BBS9: variants seen among roughly 807,000 people sequenced by gnomAD.
BBS9 encodes the protein protein PTHB1.
BBS9 carries 89 observed loss-of-function variants against 117.7 expected under a neutral mutation model. The ratio of observed to expected loss-of-function variants is 0.76; its 90% CI spans 0.64 to 0.90. The LOEUF is 0.90. Ranked by LOEUF, BBS9 falls within the 40% of genes least tolerant of loss-of-function variation. The pLI is 0.00. For missense variants in BBS9, 982 were observed against 1,042.2 expected, an observed-to-expected ratio of 0.94 and a Z score of 0.80; for synonymous variants, 379 against 370.9, an observed-to-expected ratio of 1.02 and a Z score of -0.25.
At chr7:33,618,071 G>A (rs1397844115) in intron 21 of BBS9, among the ~76,000 whole-genome samples, 4 of 152,190 alleles carry the variant, frequency 2.6e-5, no homozygotes, top group African/African-American at 9.6e-5. Flanking sequence ...TGGGCATGGT[G>A]TCTCATGCCT....
chr7:33,409,503 A>T (rs926853273), intron 19 of BBS9, among the ~76,000 whole-genome samples: 1 of 152,080 alleles, frequency 6.6e-6, no homozygotes, highest in African/African-American at 2.4e-5. Context: ...ATTATCTTCT[A>T]TTGGTCTATG....
At chr7:33,459,388 G>T (rs1435114571) in intron 19 of BBS9, among the ~76,000 whole-genome samples, 2 of 151,764 alleles carry the variant, frequency 1.3e-5, no homozygotes, top group African/African-American at 2.4e-5. Flanking sequence ...TTGGCATCTA[G>T]TAAGTAGAGG....
intron 11 of BBS9, among the ~76,000 whole-genome samples, chr7:33,343,334 T>C (rs1304972345): frequency 6.6e-6 from 1 of 152,198 alleles, no homozygotes; most frequent in Non-Finnish European, 1.5e-5. Flanking sequence ...AAATAAGTTA[T>C]AAGTGATAAG....
At chr7:33,161,527 A>G (rs1334182625) in intron 4 of BBS9, among the ~76,000 whole-genome samples, 1 of 152,162 alleles carries the variant, frequency 6.6e-6, no homozygotes, top group Admixed American at 6.5e-5. Flanking sequence ...TCATTGATGG[A>G]CATTTGGGTT....
intron 13 of BBS9, among the ~76,000 whole-genome samples, chr7:33,350,310 GAATA>G (rs1265037348): frequency 5.3e-5 from 8 of 152,190 alleles, no homozygotes; most frequent in Admixed American, 2.0e-4. Flanking sequence ...CAGAATGAAT[GAATA>G]AACGATTGAG....
intron 19 of BBS9, among the ~76,000 whole-genome samples, chr7:33,399,970 T>C (rs1828643941): frequency 6.6e-6 from 1 of 152,166 alleles, no homozygotes; most frequent in Non-Finnish European, 1.5e-5. Context: ...TATGCTTTAC[T>C]TCCCTGGGGC....
rs62449326 is a variant in BBS9, at chr7:33,165,395, G to A, written c.328+9693G>A. Among the ~76,000 whole-genome samples the A allele has an allele frequency of 7.5e-3, 1,144 of 152,266 alleles. 9 individuals carry two copies. Among genetic ancestry groups the A allele is most frequent in the Non-Finnish European group, 0.01 (696 of 68,034 alleles). ...TGGCCTGCCTTGCTAGGTTGGGGAA[G>A]TTCTCCTGGATAATATCCAGCAGAG... On this transcript the variant is annotated intron_variant, in intron 4 of 22. Transcript: ENST00000242067.
At position 33,367,825 on chromosome 7, in the gene BBS9, A is replaced by T; in HGVS notation, c.1752A>T (p.Gly584=). The change falls in exon 17 of 23, where the codon GGA becomes GGT. Residue 584 remains glycine, a synonymous_variant. Coordinates refer to ENST00000242067, the MANE Select transcript of BBS9 (RefSeq NM_198428.3). ...QVNVMGFHFL[G]GARITVLASK... Reference sequence around the variant, plus strand: ...ATGTAATGGGTTTTCACTTCTTAGGAGGTGCTCGAATTACTGTTCTTGCTT... The same window carrying T: ...ATGTAATGGGTTTTCACTTCTTAGGTGGTGCTCGAATTACTGTTCTTGCTT... 1.2e-6 allele frequency: 2 copies of T among 1,613,862 alleles called. No individual in the cohort carries two copies. The highest frequency in any genetic ancestry group is 1.7e-6 in the Non-Finnish European group (2 of 1,179,860).
chr7:33,349,345 A>G (rs570864485), intron 13 of BBS9, 175 bp downstream of exon 13: 7 of 647,962 alleles, frequency 1.1e-5, no homozygotes, highest in Middle Eastern at 2.5e-4. Flanking sequence ...ATGAACGTTC[A>G]ATCAATGATT....
chr7:33,186,962 A>G (rs1210463909), intron 5 of BBS9, among the ~76,000 whole-genome samples: 4 of 152,194 alleles, frequency 2.6e-5, no homozygotes, highest in African/African-American at 9.6e-5. Flanking sequence ...TATGTTAGTA[A>G]TATTGGTGGA....
chr7:33,232,228 C>T (rs1792597444), intron 5 of BBS9, among the ~76,000 whole-genome samples: 1 of 152,024 alleles, frequency 6.6e-6, no homozygotes, highest in Non-Finnish European at 1.5e-5. Context: ...ATTTAGTTAT[C>T]ATAGTCAGAT....
rs1223966229 is a variant in BBS9 at position 33,383,672 on chromosome 7, A to G, written c.1796A>G (p.Tyr599Cys). 6.2e-7 allele frequency: 1 copy of G among 1,605,652 alleles called. No individual in the cohort carries two copies. Among genetic ancestry groups the G allele is most frequent in the Non-Finnish European group, 8.5e-7 (1 of 1,174,738 alleles). Reference protein sequence around the residue: ...TVLASKTSQRYRIQSEQFEDL... With the variant: ...TVLASKTSQRCRIQSEQFEDL... ...CTTAATTTTTTTCTCTCAGAACGATATCGCATTCAGAGTGAACAATTTGAA... is the reference window on the plus strand; with the variant it reads ...CTTAATTTTTTTCTCTCAGAACGATGTCGCATTCAGAGTGAACAATTTGAA... The change falls in exon 18 of 23, where the codon TAT becomes TGT. Residue 599 changes from tyrosine (Y) to cysteine (C), a missense_variant. Physicochemically the swap from Tyr to Cys is radical, Grantham distance 194. Coordinates refer to ENST00000242067, the MANE Select transcript of BBS9 (RefSeq NM_198428.3).
chr7:33,374,640 G>A (rs1028822412), intron 17 of BBS9, among the ~76,000 whole-genome samples: 2 of 152,060 alleles, frequency 1.3e-5, no homozygotes, highest in Admixed American at 1.3e-4. Context: ...GGTGGCTCAC[G>A]CCTGTAATCC....
chr7:33,172,514 A>C (rs542332262), intron 4 of BBS9, among the ~76,000 whole-genome samples: 3 of 152,366 alleles, frequency 2.0e-5, no homozygotes, highest in South Asian at 2.1e-4. Context: ...ATATCTTGTT[A>C]TATTTAACTG....
At chr7:33,205,266 A>G (rs1562793496) in intron 5 of BBS9, among the ~76,000 whole-genome samples, 1 of 152,142 alleles carries the variant, frequency 6.6e-6, no homozygotes, top group Non-Finnish European at 1.5e-5. Flanking sequence ...TGGGAACCAT[A>G]TTCTCCAGTG....
At chr7:33,531,286 TAGA>T (rs1215241201) in intron 20 of BBS9, among the ~76,000 whole-genome samples, 1 of 152,142 alleles carries the variant, frequency 6.6e-6, no homozygotes, top group Non-Finnish European at 1.5e-5. Context: ...CTCATAAACC[TAGA>T]AGAAGAGATG....
intron 5 of BBS9, among the ~76,000 whole-genome samples, chr7:33,210,484 T>C (rs1253593469): frequency 6.6e-6 from 1 of 152,190 alleles, no homozygotes; most frequent in African/African-American, 2.4e-5. Flanking sequence ...AAGTGGGGTG[T>C]TGACATTTCT....
chr7:33,193,855 A>G (rs996829585), intron 5 of BBS9, among the ~76,000 whole-genome samples: 1 of 152,102 alleles, frequency 6.6e-6, no homozygotes, highest in South Asian at 2.1e-4. Context: ...CTTACTATTC[A>G]TCAGTTTTCC....
chr7:33,576,023 C>A (rs1858791059), intron 21 of BBS9, among the ~76,000 whole-genome samples: 1 of 152,144 alleles, frequency 6.6e-6, no homozygotes, highest in South Asian at 2.1e-4. Flanking sequence ...TCTCACCTCT[C>A]CTATTCAATG....
Sources: allele counts gnomAD v4.1 joint callset (sites outside exome capture counted in the v4.1 genomes callset), GRCh38; gene constraint gnomAD v4.1.1; transcripts MANE v1.5; gene names NCBI Gene and HGNC (gene_info 2026-07-23, HGNC 2026-07-21).